PLEKHG3: variants seen among roughly 807,000 people sequenced by gnomAD.
PLEKHG3 encodes the protein pleckstrin homology domain-containing family G member 3.
PLEKHG3 carries 62 observed loss-of-function variants against 94.9 expected under a neutral mutation model. The ratio of observed to expected loss-of-function variants is 0.65; its 90% confidence interval spans 0.53 to 0.81. PLEKHG3 has a LOEUF of 0.81. PLEKHG3 is among the 30% of genes least tolerant of loss of function. PLEKHG3 has a pLI of 0.00. For synonymous variants in PLEKHG3, 614 were observed against 654.0 expected (o/e 0.94, Z 0.93); for missense variants, 1,461 against 1,619.3 (o/e 0.90, Z 1.68).
Position 64,731,899 on chromosome 14 carries a change from C to A in PLEKHG3, c.1125+93C>A. 1.0e-6 allele frequency: 1 copy of A among 969,738 alleles called. No individual in the cohort carries two copies. The highest frequency in any genetic ancestry group is 1.6e-6 in the Non-Finnish European group (1 of 610,938). 60.1% of individuals were successfully genotyped at this position (969,738 alleles called of 1,614,324 possible). On this transcript the variant is annotated intron_variant, in intron 9 of 16. Transcript: ENST00000247226. This position sits in a 1 kb window ranked among gnomAD's most constrained non-coding sequence, Gnocchi z 6.1. ...GGCTCCTCTGCTCACCTAGCTGCCCCAAGCCCCAGTGTCTCCATCTGTGAG... is the reference window on the plus strand; with the variant it reads ...GGCTCCTCTGCTCACCTAGCTGCCCAAAGCCCCAGTGTCTCCATCTGTGAG...
rs1347803733 is a variant in PLEKHG3 at position 64,746,886 on chromosome 14, A to G, written c.*3183A>G. ...TGTCAAAAGACTGTAGAGTAGAATAAGGAGAGAAAAAAAAAAAAAGACCTT... is the reference window on the plus strand; with the variant it reads ...TGTCAAAAGACTGTAGAGTAGAATAGGGAGAGAAAAAAAAAAAAAGACCTT... On this transcript the variant is annotated 3_prime_UTR_variant, in exon 17 of 17. Transcript: ENST00000247226. The surrounding 1 kb of genome is among the most constrained non-coding windows in gnomAD (Gnocchi z 4.9). 6.6e-6 allele frequency: 1 copy of G among 152,218 alleles called. No individual in the cohort carries two copies. The highest frequency in any genetic ancestry group is 1.9e-4 in the East Asian group (1 of 5,184). The allele number at this position is 152,218 out of a possible 1,614,324, so 9.4% of individuals were successfully genotyped here. A position where few individuals can be genotyped will look rare whatever the true frequency, so the allele number is the denominator to read the frequency against.
Position 64,727,088 on chromosome 14 carries a change from C to A in PLEKHG3, c.-39-505C>A, listed in dbSNP as rs1382043964. On this transcript the variant is annotated intron_variant, in intron 1 of 16. Transcript: ENST00000247226. The surrounding 1 kb of genome is among the most constrained non-coding windows in gnomAD (Gnocchi z 6.0). The stretch of plus-strand genomic sequence containing the variant: ...GGCATCATGCTCAGAGCTTTACGAA[C>A]AGCAGGTGGCTTCATCTGGGAGGAC... Among the ~76,000 whole-genome samples, 1 of 152,132 alleles carries A rather than the reference C, an allele frequency of 6.6e-6. No homozygotes were observed. The highest frequency in any genetic ancestry group is 1.5e-5 in the Non-Finnish European group (1 of 68,022).
At chr14:64,737,020 C>T in intron 13 of PLEKHG3, 129 bp downstream of exon 13, 3 of 779,024 alleles carry the variant, frequency 3.9e-6, no homozygotes, top group Non-Finnish European at 6.8e-6. Flanking sequence ...GGAACTCTGC[C>T]TCCATTCCCC....
Position 64,704,979 on chromosome 14 carries a change from C to G in PLEKHG3, c.-40+275C>G, listed in dbSNP as rs78927418. On this transcript the variant is annotated intron_variant, in intron 1 of 16. Coordinates refer to ENST00000247226, the MANE Select transcript of PLEKHG3 (RefSeq NM_001308147.2). This position sits in a 1 kb window ranked among gnomAD's most constrained non-coding sequence, Gnocchi z 5.6. ...CCGGAAACAAAAGGGGCAAATGCGC[C>G]GGGCGGCTCCAGAGAGGCTCAGTTT... 2.6e-5 allele frequency among the ~76,000 whole-genome samples: 4 copies of G among 152,168 alleles called. No homozygotes were observed. Among genetic ancestry groups the G allele is most frequent in the African/African-American group, 4.8e-5 (2 of 41,440 alleles).
In PLEKHG3 at chr14:64,732,783, C is replaced by A; in HGVS notation, c.1247-20C>A. ...GCCAATTGGGAATCAAAAGCTTGAT[C>A]GTCTCTCTCCTGGGTGCAGATCCCA... is the stretch of plus-strand genomic sequence containing the variant. On this transcript the variant is annotated intron_variant, in intron 11 of 16. Transcript: ENST00000247226. The surrounding 1 kb of genome is among the most constrained non-coding windows in gnomAD (Gnocchi z 4.9). 6.4e-7 allele frequency: 1 copy of A among 1,573,644 alleles called. No homozygotes were observed. The highest frequency in any genetic ancestry group is 8.7e-7 in the Non-Finnish European group (1 of 1,155,558).
Position 64,718,594 on chromosome 14 carries a change from TG to T in PLEKHG3, c.-39-8998del, listed in dbSNP as rs1279844694. Among the ~76,000 whole-genome samples the T allele has an allele frequency of 6.6e-6, 1 of 152,204 alleles. No homozygotes were observed. The highest frequency in any genetic ancestry group is 1.5e-5 in the Non-Finnish European group (1 of 68,044). ...GGTTATCTTCAAATCAGAGAGAGAT[TG>T]AGGCACAAAGAGCCCGCTGACTTGC... is the stretch of plus-strand genomic sequence containing the variant. On this transcript the variant is annotated intron_variant, in intron 1 of 16. Coordinates refer to ENST00000247226, the MANE Select transcript of PLEKHG3 (RefSeq NM_001308147.2). The surrounding 1 kb of genome is among the most constrained non-coding windows in gnomAD (Gnocchi z 5.0).
intron 1 of PLEKHG3, among the ~76,000 whole-genome samples, chr14:64,707,492 T>C (rs1256310523): frequency 6.6e-6 from 1 of 152,202 alleles, no homozygotes; most frequent in Non-Finnish European, 1.5e-5. Context: ...AAATATACAA[T>C]AATTATTGAC....
At chr14:64,711,418 GT>G (rs71444671) in intron 1 of PLEKHG3, among the ~76,000 whole-genome samples, 9,967 of 142,456 alleles carry the variant, frequency 0.07, 302 homozygotes, top group South Asian at 0.096. Context: ...CTTTTTTTTT[GT>G]TTTTTTTTTT....
intron 1 of PLEKHG3, among the ~76,000 whole-genome samples, chr14:64,714,899 G>A (rs748062975): frequency 8.6e-5 from 13 of 151,440 alleles, no homozygotes; most frequent in Non-Finnish European, 1.6e-4. Flanking sequence ...CAGAGGACCT[G>A]GGGGGAAAAA....
chr14:64,742,345 T>G lies in PLEKHG3; in HGVS notation c.2828T>G (p.Val943Gly), dbSNP rs769877097. ...YSLRIKSNKPVMARPPLQWEK... is the reference protein window; with the variant it reads ...YSLRIKSNKPGMARPPLQWEK... ...CTCCGGATCAAGAGCAACAAGCCAGTGATGGCCAGGCCACCACTGCAGTGG... is the reference window on the plus strand; with the variant it reads ...CTCCGGATCAAGAGCAACAAGCCAGGGATGGCCAGGCCACCACTGCAGTGG... Residue 943 changes from valine (V) to glycine (G), a missense_variant, in exon 16 of 17, where the codon GTG (valine) becomes GGG (glycine). Coordinates refer to ENST00000247226, the MANE Select transcript of PLEKHG3 (RefSeq NM_001308147.2). 5.6e-6 allele frequency: 9 copies of G among 1,612,864 alleles called. No homozygotes were observed. Among genetic ancestry groups the G allele is most frequent in the Non-Finnish European group, 7.6e-6 (9 of 1,180,000 alleles).
In PLEKHG3 at chr14:64,742,121, C is replaced by G; in HGVS notation, c.2604C>G (p.Ser868Arg). Residue 868 changes from serine (S) to arginine (R), a missense_variant, in exon 16 of 17, where the codon AGC becomes AGG. This residue lies in a region of PLEKHG3 where 1,201 missense variants were observed against 1,295.5 expected (regional missense o/e 0.93). Coordinates refer to ENST00000247226, the MANE Select transcript of PLEKHG3 (RefSeq NM_001308147.2). Reference sequence around the variant, plus strand: ...AGTCGGCCACTGCCTCCCCGGAAAGCTCCTCTCCCACTGAGGGGCGCAGCC... The same window carrying G: ...AGTCGGCCACTGCCTCCCCGGAAAGGTCCTCTCCCACTGAGGGGCGCAGCC... ...TEESATASPE[S>R]SSPTEGRSPA... The G allele has an allele frequency of 6.2e-7, 1 of 1,610,958 alleles. No homozygotes were observed. Among genetic ancestry groups the G allele is most frequent in the Non-Finnish European group, 8.5e-7 (1 of 1,179,888 alleles).
intron 1 of PLEKHG3, among the ~76,000 whole-genome samples, chr14:64,714,516 T>C (rs1031914427): frequency 6.6e-6 from 1 of 152,248 alleles, no homozygotes; most frequent in Admixed American, 6.5e-5. Flanking sequence ...GTCTACCTTT[T>C]TGTGGCCGTC....
At position 64,746,321 on chromosome 14, in the gene PLEKHG3, G is replaced by A. The variant is rs2139404393; in HGVS notation, c.*2618G>A. ...ATTTATTAGAAAAACTAGTAAATGG[G>A]TTTCCTCTGGTTGGTGGAAGCACGG... On this transcript the variant is annotated 3_prime_UTR_variant, in exon 17 of 17. Coordinates refer to ENST00000247226, the MANE Select transcript of PLEKHG3 (RefSeq NM_001308147.2). This position sits in a 1 kb window ranked among gnomAD's most constrained non-coding sequence, Gnocchi z 4.9. 6.6e-6 allele frequency: 1 copy of A among 152,628 alleles called. No homozygotes were observed. Among genetic ancestry groups the A allele is most frequent in the Middle Eastern group, 3.4e-3 (1 of 294 alleles). The allele number at this position is 152,628 out of a possible 1,614,324, so 9.5% of individuals were successfully genotyped here.
chr14:64,716,479 ACAACACACACACACACAACACACACAC>A lies in PLEKHG3; in HGVS notation c.-39-11113_-39-11087del, dbSNP rs2139366148. ...ACACACACACACAACACACACACACACAACACACACACACACAACACACACACACACACACACACACACACACACACA... is the reference window on the plus strand; with the variant it reads ...ACACACACACACAACACACACACACAACACACACACACACACACACACACA... On this transcript the variant is annotated intron_variant, in intron 1 of 16. Transcript: ENST00000247226. This position sits in a 1 kb window ranked among gnomAD's most constrained non-coding sequence, Gnocchi z 5.0. Among the ~76,000 whole-genome samples, 1 of 135,568 alleles carries A rather than the reference ACAACACACACACACACAACACACACAC, an allele frequency of 7.4e-6. No individual in the cohort carries two copies. The highest frequency in any genetic ancestry group is 3.0e-5 in the African/African-American group (1 of 33,896). 88.9% of individuals were successfully genotyped at this position (135,568 alleles called of 152,430 possible). A position where few individuals can be genotyped will look rare whatever the true frequency, so the allele number is the denominator to read the frequency against.
At chr14:64,705,170 G>T (rs1433719733) in intron 1 of PLEKHG3, among the ~76,000 whole-genome samples, 1 of 152,214 alleles carries the variant, frequency 6.6e-6, no homozygotes, top group Non-Finnish European at 1.5e-5. Flanking sequence ...GGTGCTCGCT[G>T]TTGGGAATCT....
rs1175163513 is a variant in PLEKHG3, at chr14:64,726,854, C to T, written c.-39-739C>T. Among the ~76,000 whole-genome samples, 1 of 152,162 alleles carries T rather than the reference C, an allele frequency of 6.6e-6. No homozygotes were observed. The highest frequency in any genetic ancestry group is 6.5e-5 in the Admixed American group (1 of 15,286). The stretch of plus-strand genomic sequence containing the variant: ...GAAAGTTTCAGGTTTGTGGTGAAGC[C>T]GCCGGTGCCCCTGAGGTTTTGCAGT... On this transcript the variant is annotated intron_variant, in intron 1 of 16. Transcript: ENST00000247226. This position sits in a 1 kb window ranked among gnomAD's most constrained non-coding sequence, Gnocchi z 5.1.
chr14:64,734,974 C>G (rs2081543776), intron 12 of PLEKHG3, among the ~76,000 whole-genome samples: 1 of 152,160 alleles, frequency 6.6e-6, no homozygotes, highest in Non-Finnish European at 1.5e-5. Context: ...GATCCACCCG[C>G]CTCGGCCTCA....
At position 64,725,289 on chromosome 14, in the gene PLEKHG3, A is replaced by G. The variant is rs2081330871; in HGVS notation, c.-39-2304A>G. 1.3e-5 allele frequency among the ~76,000 whole-genome samples: 2 copies of G among 151,094 alleles called. No individual in the cohort carries two copies. The highest frequency in any genetic ancestry group is 4.2e-4 in the South Asian group (2 of 4,744). ...TTTGGGAGTGGGGCCGTTTCCATTT[A>G]GCTTCCCCAGAGAAGCTGACTGACC... On this transcript the variant is annotated intron_variant, in intron 1 of 16. Coordinates refer to ENST00000247226, the MANE Select transcript of PLEKHG3 (RefSeq NM_001308147.2). The surrounding 1 kb of genome is among the most constrained non-coding windows in gnomAD (Gnocchi z 5.0).
chr14:64,735,254 T>G (rs2081548472), intron 12 of PLEKHG3, among the ~76,000 whole-genome samples: 1 of 152,146 alleles, frequency 6.6e-6, no homozygotes, highest in Admixed American at 6.5e-5. Context: ...ACTGAAGTAT[T>G]TGTTTTCATT....
Sources: allele counts gnomAD v4.1 joint callset (sites outside exome capture counted in the v4.1 genomes callset), GRCh38; gene constraint gnomAD v4.1.1; regional missense constraint gnomAD v4.1.1; non-coding constraint Gnocchi (gnomAD v3.1); transcripts MANE v1.5; gene names NCBI Gene and HGNC (gene_info 2026-07-23, HGNC 2026-07-21).